The following EVI5L variants were observed in gnomAD, a reference collection of about 807,000 sequenced individuals.
The protein encoded by EVI5L is ecotropic viral integration site 5 like.
A neutral mutation model predicts 106.1 loss-of-function variants in EVI5L; 30 were observed. That is an observed-to-expected ratio of 0.28 (90% CI 0.21 to 0.38). The LOEUF is 0.38. Ranked by LOEUF, EVI5L falls within the 10% of genes least tolerant of loss-of-function variation. The pLI is 1.00. For missense variants in EVI5L, 809 were observed against 1,098.0 expected (o/e 0.74, Z 3.72); for synonymous variants, 489 against 483.3 (o/e 1.01, Z -0.15).
intron 1 of EVI5L, among the ~76,000 whole-genome samples, chr19:7,830,982 T>A: frequency 7.0e-6 from 1 of 141,918 alleles, no homozygotes; most frequent in South Asian, 2.4e-4. Flanking sequence ...TTCCTACCCC[T>A]GCCCACAGCC....
chr19:7,858,298 A>G lies in EVI5L; in HGVS notation c.1341A>G (p.Ala447=). Residue 447 remains alanine (A), a synonymous_variant, in exon 13 of 20, where the codon GCA becomes GCG. Transcript: ENST00000538904. This position sits in a 1 kb window ranked among gnomAD's most constrained non-coding sequence, Gnocchi z 5.7. ...CGGCGGCCGAGGACCTGCAGAAGGC[A>G]CAGAGCACCATCCGGCAGCTACAGG... ...CSSAAEDLQK[A]QSTIRQLQEQ... 6.5e-7 allele frequency: 1 copy of G among 1,549,662 alleles called. No homozygotes were observed. The highest frequency in any genetic ancestry group is 8.7e-7 in the Non-Finnish European group (1 of 1,147,312).
At position 7,863,802 on chromosome 19, in the gene EVI5L, C is replaced by T. The variant is rs868689848; in HGVS notation, c.*100C>T. ...CACCTGCCGCACTTGACAAACTACG[C>T]GCCCTCTGTGGCTCGGCCACCCCTA... On this transcript the variant is annotated 3_prime_UTR_variant, in exon 20 of 20. Transcript: ENST00000538904. This position sits in a 1 kb window ranked among gnomAD's most constrained non-coding sequence, Gnocchi z 7.7. 29 of 1,393,276 alleles carry T rather than the reference C, an allele frequency of 2.1e-5. 1 individual carries two copies. In the Middle Eastern group the frequency reaches 2.1e-3, roughly 102 times the overall value. The allele number at this position is 1,393,276 out of a possible 1,614,324, so 86.3% of individuals were successfully genotyped here.
intron 1 of EVI5L, among the ~76,000 whole-genome samples, chr19:7,843,541 AGTGTGTGCATGTGTGTATAGGTATGT>A (rs1978800237): frequency 9.2e-6 from 1 of 108,234 alleles, no homozygotes; most frequent in African/African-American, 3.6e-5. Flanking sequence ...GGGTGTGTCG[AGTGTGTGCATGTGTGTATAGGTATGT>A]GAGTGTGAGA....
intron 1 of EVI5L, among the ~76,000 whole-genome samples, chr19:7,839,138 T>TA (rs1266556021): frequency 6.6e-6 from 1 of 151,520 alleles, no homozygotes; most frequent in Non-Finnish European, 1.5e-5. Flanking sequence ...CCATCTCTAC[T>TA]AAAAAATACA....
At chr19:7,842,565 TTG>T (rs897482821) in intron 1 of EVI5L, among the ~76,000 whole-genome samples, 109 of 149,002 alleles carry the variant, frequency 7.3e-4, no homozygotes, top group South Asian at 8.6e-4. Flanking sequence ...TGTGTGTGAA[TTG>T]TGTGTGTGCA....
Position 7,856,834 on chromosome 19 carries a change from G to T in EVI5L, c.1201-258G>T, listed in dbSNP as rs889380763. On this transcript the variant is annotated intron_variant, in intron 11 of 19. Transcript: ENST00000538904. The surrounding 1 kb of genome is among the most constrained non-coding windows in gnomAD (Gnocchi z 6.6). ...GGGACAGTGGGTTTCCCAGCCCTGC[G>T]GCCTCCCCCACAGCCGCGGGCACCC... The T allele has an allele frequency of 1.0e-5, 7 of 670,190 alleles. No individual in the cohort carries two copies. In the East Asian group the frequency reaches 1.9e-4, roughly 18 times the overall value. 41.5% of individuals were successfully genotyped at this position (670,190 alleles called of 1,614,324 possible). A position where few individuals can be genotyped will look rare whatever the true frequency, so the allele number is the denominator to read the frequency against.
At chr19:7,832,725 G>A (rs532971699) in intron 1 of EVI5L, among the ~76,000 whole-genome samples, 2 of 152,238 alleles carry the variant, frequency 1.3e-5, no homozygotes, top group African/African-American at 2.4e-5. Flanking sequence ...GAGCCAGCTC[G>A]AATCAGAGCT....
chr19:7,857,254 G>A lies in EVI5L; in HGVS notation c.1233+130G>A, dbSNP rs1599576711. 1.6e-6 allele frequency: 2 copies of A among 1,283,624 alleles called. No individual in the cohort carries two copies. Among genetic ancestry groups the A allele is most frequent in the Admixed American group, 2.0e-5 (1 of 50,288 alleles). The allele number at this position is 1,283,624 out of a possible 1,614,324, so 79.5% of individuals were successfully genotyped here. On this transcript the variant is annotated intron_variant, in intron 12 of 19. Coordinates refer to ENST00000538904, the MANE Select transcript of EVI5L (RefSeq NM_001159944.3). This position sits in a 1 kb window ranked among gnomAD's most constrained non-coding sequence, Gnocchi z 4.5. Reference sequence around the variant, plus strand: ...GCCTGGCGCCATGCATGGAGCAGCTGGGGACCGCTTCTGGGGGACACAGAG... The same window carrying A: ...GCCTGGCGCCATGCATGGAGCAGCTAGGGACCGCTTCTGGGGGACACAGAG...
chr19:7,850,825 C>T lies in EVI5L; in HGVS notation c.754-609C>T, dbSNP rs373915783. ...GTAGCAGAGCCCTCCCACAGCCAAG[C>T]TTGCAAACTCAGGGCGCAGAGAGCC... On this transcript the variant is annotated intron_variant, in intron 6 of 19. Transcript: ENST00000538904. This position sits in a 1 kb window ranked among gnomAD's most constrained non-coding sequence, Gnocchi z 5.4. Among the ~76,000 whole-genome samples the T allele has an allele frequency of 2.6e-3, 389 of 152,308 alleles. 2 individuals carry two copies. Among genetic ancestry groups the T allele is most frequent in the African/African-American group, 9.1e-3 (380 of 41,562 alleles).
intron 3 of EVI5L, 50 bp downstream of exon 3, chr19:7,847,971 G>T (rs1979040205): frequency 6.7e-7 from 1 of 1,496,980 alleles, no homozygotes; most frequent in South Asian, 1.3e-5. Context: ...TGGGCAGGTG[G>T]TGCGGTCACT....
chr19:7,854,367 G>A (rs149227140), intron 10 of EVI5L, among the ~76,000 whole-genome samples: 8 of 151,956 alleles, frequency 5.3e-5, no homozygotes, highest in Non-Finnish European at 1.0e-4. Flanking sequence ...GACTGAGGGC[G>A]CACCAGTGAT....
Position 7,850,999 on chromosome 19 carries a change from G to A in EVI5L, c.754-435G>A, listed in dbSNP as rs1979221200. On this transcript the variant is annotated intron_variant, in intron 6 of 19. Coordinates refer to ENST00000538904, the MANE Select transcript of EVI5L (RefSeq NM_001159944.3). This position sits in a 1 kb window ranked among gnomAD's most constrained non-coding sequence, Gnocchi z 5.4. The stretch of plus-strand genomic sequence containing the variant: ...GCTGGGGTCCAAGGGAGGTACAGTG[G>A]CTGGCAGGTCACGTAACAAGGTGGG... Among the ~76,000 whole-genome samples, 1 of 150,866 alleles carries A rather than the reference G, an allele frequency of 6.6e-6. No homozygotes were observed. The highest frequency in any genetic ancestry group is 1.5e-5 in the Non-Finnish European group (1 of 67,766).
At chr19:7,862,922 C>A in intron 17 of EVI5L, 50 bp from the exon 18 acceptor site, 11 of 1,299,504 alleles carry the variant, frequency 8.5e-6, no homozygotes, top group Non-Finnish European at 1.2e-5. Context: ...CCCCCTGATG[C>A]GCCGCGCCCC....
Position 7,863,098 on chromosome 19 carries a change from G to A in EVI5L, c.2043+31G>A. 1.4e-6 allele frequency: 1 copy of A among 716,156 alleles called. No homozygotes were observed. Among genetic ancestry groups the A allele is most frequent in the Non-Finnish European group, 2.5e-6 (1 of 402,668 alleles). The allele number at this position is 716,156 out of a possible 1,614,324, so 44.4% of individuals were successfully genotyped here. ...CGGCGGGGCCGGGGTCGGGGGGCGG[G>A]GGCGGGGGCAGGGCCCGGGGCAGGA... On this transcript the variant is annotated intron_variant, in intron 18 of 19. Coordinates refer to ENST00000538904, the MANE Select transcript of EVI5L (RefSeq NM_001159944.3). This position sits in a 1 kb window ranked among gnomAD's most constrained non-coding sequence, Gnocchi z 7.7.
intron 10 of EVI5L, 118 bp downstream of exon 10, chr19:7,853,451 G>C (rs2146431054): frequency 7.2e-7 from 1 of 1,383,306 alleles, no homozygotes; most frequent in Non-Finnish European, 9.9e-7. Context: ...CGGACCCGGC[G>C]GTCCTTGGCG....
chr19:7,856,205 C>A lies in EVI5L; in HGVS notation c.1200+137C>A. 1 of 861,366 alleles carries A rather than the reference C, an allele frequency of 1.2e-6. No individual in the cohort carries two copies. The highest frequency in any genetic ancestry group is 1.6e-6 in the Non-Finnish European group (1 of 639,010). The allele number at this position is 861,366 out of a possible 1,614,324, so 53.4% of individuals were successfully genotyped here. A position where few individuals can be genotyped will look rare whatever the true frequency, so the allele number is the denominator to read the frequency against. ...ACTAAGCAGCCCTACCTTCCTGCCCCAGGACCCGACCTGAACCCGATTTGG... is the reference window on the plus strand; with the variant it reads ...ACTAAGCAGCCCTACCTTCCTGCCCAAGGACCCGACCTGAACCCGATTTGG... On this transcript the variant is annotated intron_variant, in intron 11 of 19. Transcript: ENST00000538904. The surrounding 1 kb of genome is among the most constrained non-coding windows in gnomAD (Gnocchi z 6.6).
chr19:7,863,135 C>A lies in EVI5L; in HGVS notation c.2044-50C>A. 1 of 1,539,168 alleles carries A rather than the reference C, an allele frequency of 6.5e-7. No homozygotes were observed. The highest frequency in any genetic ancestry group is 8.8e-7 in the Non-Finnish European group (1 of 1,142,662). On this transcript the variant is annotated intron_variant, in intron 18 of 19. Transcript: ENST00000538904. The surrounding 1 kb of genome is among the most constrained non-coding windows in gnomAD (Gnocchi z 7.7). ...GGCCCGGGGCAGGAGCGGGGCCGGA[C>A]CCCAGGCCCAGCATGGCACTGGCCC...
intron 8 of EVI5L, among the ~76,000 whole-genome samples, chr19:7,852,382 G>T (rs1011692216): frequency 2.0e-5 from 3 of 152,206 alleles, no homozygotes; most frequent in Admixed American, 2.0e-4. Flanking sequence ...CAGCTGGGCC[G>T]GGTGCAGGAG....
In EVI5L at chr19:7,849,642, G is replaced by T. The variant is rs554726976; in HGVS notation, c.627+312G>T. 3.3e-5 allele frequency among the ~76,000 whole-genome samples: 5 copies of T among 152,326 alleles called. No homozygotes were observed. In the South Asian group the frequency reaches 1.0e-3, roughly 32 times the overall value. ...CTGGGGACTTAAGCCATCCAGCGTG[G>T]TGTTTATGGGGCTTGGGGGTCTCCT... On this transcript the variant is annotated intron_variant, in intron 5 of 19. Coordinates refer to ENST00000538904, the MANE Select transcript of EVI5L (RefSeq NM_001159944.3).
Sources: allele counts gnomAD v4.1 joint callset (sites outside exome capture counted in the v4.1 genomes callset), GRCh38; gene constraint gnomAD v4.1.1; non-coding constraint Gnocchi (gnomAD v3.1); transcripts MANE v1.5; gene names NCBI Gene and HGNC (gene_info 2026-07-23, HGNC 2026-07-21).